The following ADCY3 variants were observed in gnomAD, a reference collection of about 807,000 sequenced individuals.
The protein encoded by ADCY3 is adenylate cyclase 3, also known as adenylate cyclase type 3.
In ADCY3, 70 loss-of-function variants were observed where a neutral mutation model predicts 119.4. The observed-to-expected ratio is 0.59, with a 90% CI of 0.48 to 0.72. The LOEUF (loss-of-function observed/expected upper bound fraction) is 0.72. Among genes scored for constraint, ADCY3 ranks in the 30% least tolerant of loss-of-function variants. The pLI is 0.00. For synonymous variants in ADCY3, 672 were observed against 621.4 expected (o/e 1.08, Z -1.21); for missense variants, 1,238 against 1,541.6 (o/e 0.80, Z 3.30).
intron 2 of ADCY3, among the ~76,000 whole-genome samples, chr2:24,897,134 C>T (rs1160663102): frequency 6.6e-6 from 1 of 152,028 alleles, no homozygotes; most frequent in Non-Finnish European, 1.5e-5. Context: ...AGCCACCCAC[C>T]CTCTTTCAAC....
chr2:24,889,824 G>A (rs888449049), intron 2 of ADCY3, among the ~76,000 whole-genome samples: 6 of 152,190 alleles, frequency 3.9e-5, no homozygotes, highest in South Asian at 2.1e-4. Context: ...CAGCAAGAGC[G>A]AAACTCCGTC....
chr2:24,824,233 T>G, intron 17 of ADCY3, 145 bp downstream of exon 17: 1 of 1,013,744 alleles, frequency 9.9e-7, no homozygotes, highest in Non-Finnish European at 1.4e-6. Context: ...CTTTTGCTTA[T>G]TTGTGTTTGC....
In ADCY3 at chr2:24,841,200, T is replaced by A; in HGVS notation, c.1196+59A>T. 1 of 1,494,682 alleles carries A rather than the reference T, an allele frequency of 6.7e-7. No homozygotes were observed. 92.6% of individuals were successfully genotyped at this position (1,494,682 alleles called of 1,614,324 possible). On this transcript the variant is annotated intron_variant, in intron 6 of 21. Coordinates refer to ENST00000679454, the MANE Select transcript of ADCY3 (RefSeq NM_004036.5). This position sits in a 1 kb window ranked among gnomAD's most constrained non-coding sequence, Gnocchi z 5.8. ...CCAGCGCGGAAGACCTGCTTCTCCC[T>A]GGGTCCAGGGCCGGGGCCCTTGCTC...
At chr2:24,848,819 T>C (rs1472981445) in intron 3 of ADCY3, among the ~76,000 whole-genome samples, 1 of 152,230 alleles carries the variant, frequency 6.6e-6, no homozygotes, top group East Asian at 1.9e-4. Context: ...CAGAAGTTTT[T>C]AGGTTGAGTT....
chr2:24,821,781 C>G (rs1008557213), intron 19 of ADCY3, 141 bp from the exon 20 acceptor site: 23 of 1,258,870 alleles, frequency 1.8e-5, no homozygotes, highest in Non-Finnish European at 2.2e-5. Flanking sequence ...ACAAAGGAGT[C>G]GCAGCCACGC....
chr2:24,903,128 C>G (rs1679097827), intron 2 of ADCY3, among the ~76,000 whole-genome samples: 1 of 144,576 alleles, frequency 6.9e-6, no homozygotes. Flanking sequence ...GCCTGGGTGA[C>G]ACAGAGAGAG....
At chr2:24,829,852 G>A (rs79838417) in intron 13 of ADCY3, among the ~76,000 whole-genome samples, 4,787 of 151,514 alleles carry the variant, frequency 0.032, 182 homozygotes, top group South Asian at 0.054. Context: ...ACAGCTCCAG[G>A]CATGTAGTGC....
chr2:24,831,597 C>T, intron 12 of ADCY3, 65 bp downstream of exon 12: 1 of 1,267,726 alleles, frequency 7.9e-7, no homozygotes, highest in Non-Finnish European at 1.1e-6. Flanking sequence ...CATCACTGCC[C>T]AGTTTTACAG....
At chr2:24,832,402 C>T (rs977554961) in intron 11 of ADCY3, among the ~76,000 whole-genome samples, 11 of 152,100 alleles carry the variant, frequency 7.2e-5, no homozygotes, top group African/African-American at 2.2e-4. Context: ...CCCTCGCTGC[C>T]GGGGGCTAAG....
chr2:24,884,471 C>CTTTTTTTTTTTTT (rs1201387570), intron 2 of ADCY3, among the ~76,000 whole-genome samples: 1 of 97,860 alleles, frequency 1.0e-5, no homozygotes, highest in Admixed American at 1.1e-4. Context: ...TTCTAATAAT[C>CTTTTTTTTTTTTT]TTTTTTTTTT....
intron 13 of ADCY3, among the ~76,000 whole-genome samples, chr2:24,829,571 C>T (rs902038362): frequency 2.0e-5 from 3 of 151,398 alleles, no homozygotes; most frequent in Admixed American, 6.6e-5. Flanking sequence ...CAGGCGCCTG[C>T]CACCACGCCC....
intron 15 of ADCY3, chr2:24,826,421 G>A (rs1390680074): frequency 2.2e-5 from 7 of 318,026 alleles, no homozygotes. Flanking sequence ...TGATCACAGA[G>A]GTAGCTACAA....
intron 3 of ADCY3, among the ~76,000 whole-genome samples, chr2:24,852,579 G>A (rs1423184334): frequency 1.3e-5 from 2 of 152,342 alleles, no homozygotes; most frequent in Admixed American, 6.5e-5. Flanking sequence ...AGGCATGAGT[G>A]GCCACCGTGT....
intron 13 of ADCY3, among the ~76,000 whole-genome samples, chr2:24,830,188 GCA>G (rs1669278134): frequency 6.6e-6 from 1 of 151,168 alleles, no homozygotes; most frequent in South Asian, 2.1e-4. Context: ...TTACAGGTGT[GCA>G]CCACCATGCC....
rs1165535021 is a variant in ADCY3 at position 24,841,065 on chromosome 2, G to A, written c.1196+194C>T. On this transcript the variant is annotated intron_variant, in intron 6 of 21. Transcript: ENST00000679454. The surrounding 1 kb of genome is among the most constrained non-coding windows in gnomAD (Gnocchi z 5.8). ...GAGCCTCGCAGGTCCCCTGGGCTGT[G>A]AGGAAGGTAAGCCACATCCCAGCTT... Among the ~76,000 whole-genome samples, 1 of 152,248 alleles carries A rather than the reference G, an allele frequency of 6.6e-6. No homozygotes were observed. The highest frequency in any genetic ancestry group is 1.5e-5 in the Non-Finnish European group (1 of 68,028).
intron 14 of ADCY3, 99 bp downstream of exon 14, chr2:24,827,803 G>A: frequency 1.3e-6 from 2 of 1,554,650 alleles, no homozygotes; most frequent in Admixed American, 3.5e-5. Flanking sequence ...ACCCCTAGTG[G>A]CAGAAAGCCA....
chr2:24,903,558 C>T (rs1222754676), intron 2 of ADCY3, among the ~76,000 whole-genome samples: 1 of 152,148 alleles, frequency 6.6e-6, no homozygotes, highest in Non-Finnish European at 1.5e-5. Flanking sequence ...ATCCACCTCA[C>T]AGAGTGGGTG....
intron 6 of ADCY3, chr2:24,840,489 G>A: frequency 2.3e-6 from 1 of 441,454 alleles, no homozygotes. Flanking sequence ...AGGCCACACT[G>A]CTTTCTTTCC....
chr2:24,827,749 G>C, intron 14 of ADCY3, 141 bp from the exon 15 acceptor site: 2 of 1,412,336 alleles, frequency 1.4e-6, no homozygotes, highest in Non-Finnish European at 2.0e-6. Flanking sequence ...ACAGTGATAC[G>C]TCTGTGAGCA....
Sources: allele counts gnomAD v4.1 joint callset (sites outside exome capture counted in the v4.1 genomes callset), GRCh38; gene constraint gnomAD v4.1.1; non-coding constraint Gnocchi (gnomAD v3.1); transcripts MANE v1.5; gene names NCBI Gene and HGNC (gene_info 2026-07-23, HGNC 2026-07-21).